Variants in FAS observed in about 807,000 individuals in gnomAD.
FAS encodes the protein Fas cell surface death receptor, also known as tumor necrosis factor receptor superfamily member 6.
FAS carries 5 observed loss-of-function variants against 33.2 expected under a neutral mutation model. The observed-to-expected ratio is 0.15, with a 90% CI of 0.08 to 0.32. FAS has a LOEUF of 0.32. Among genes scored for constraint, FAS ranks in the 10% least tolerant of loss-of-function variants. The pLI, the probability that FAS is intolerant of heterozygous loss-of-function variation, is 1.00. For missense variants in FAS, 339 were observed against 386.0 expected (o/e 0.88, Z 1.02); for synonymous variants, 131 against 130.7 (o/e 1.00, Z -0.01).
At chr10:88,982,080 T>C (rs566360524), upstream of FAS, among the ~76,000 whole-genome samples, 1 of 152,332 alleles carries the variant, frequency 6.6e-6, no homozygotes, top group South Asian at 2.1e-4. Context: ...AAGAAGGCAG[T>C]ATGTTGTTAT....
intron 1 of FAS, among the ~76,000 whole-genome samples, chr10:88,991,996 C>CGA (rs1044328024): frequency 6.6e-6 from 1 of 152,140 alleles, no homozygotes; most frequent in Admixed American, 6.5e-5. Context: ...CGGATTCTCA[C>CGA]GAGAGCCATG....
At chr10:89,011,464 G>A (rs1431336608) in intron 6 of FAS, among the ~76,000 whole-genome samples, 1 of 152,198 alleles carries the variant, frequency 6.6e-6, no homozygotes, top group Non-Finnish European at 1.5e-5. Context: ...AGTTGAAGAA[G>A]AAAGTTTGCC....
At chr10:88,985,605 C>G (rs1846856905), upstream of FAS, among the ~76,000 whole-genome samples, 1 of 152,198 alleles carries the variant, frequency 6.6e-6, no homozygotes, top group South Asian at 2.1e-4. Context: ...GTCCCCTCAG[C>G]CTTTTCTAAC....
chr10:88,988,861 G>C (rs1564667343), upstream of FAS, among the ~76,000 whole-genome samples: 1 of 152,094 alleles, frequency 6.6e-6, no homozygotes, highest in Non-Finnish European at 1.5e-5. Context: ...GATTCAGAAA[G>C]TTTTCAAATT....
At position 89,007,019 on chromosome 10, in the gene FAS, T is replaced by A. The variant is rs920768777; in HGVS notation, c.197-681T>A. Among the ~76,000 whole-genome samples the A allele has an allele frequency of 5.9e-5, 9 of 152,214 alleles. No homozygotes were observed. The South Asian group carries it at 1.9e-3, about 32-fold the overall frequency. ...AACTCATCAGTACATATCCTGTCTTTTGATGAAAAAGTAATAGAAAGGGGA... is the reference window on the plus strand; with the variant it reads ...AACTCATCAGTACATATCCTGTCTTATGATGAAAAAGTAATAGAAAGGGGA... On this transcript the variant is annotated intron_variant, in intron 2 of 8. Coordinates refer to ENST00000652046, the MANE Select transcript of FAS (RefSeq NM_000043.6).
chr10:89,006,628 T>A (rs1848243056), intron 2 of FAS, among the ~76,000 whole-genome samples: 1 of 152,226 alleles, frequency 6.6e-6, no homozygotes, highest in Admixed American at 6.5e-5. Flanking sequence ...CTCTATTCCC[T>A]TACCTTCATC....
chr10:88,994,810 TTTA>T (rs755606160), intron 1 of FAS, among the ~76,000 whole-genome samples: 82 of 151,376 alleles, frequency 5.4e-4, no homozygotes, highest in Non-Finnish European at 1.1e-3. Flanking sequence ...TACTATAATT[TTTA>T]TTATTTATTT....
At chr10:88,999,801 A>G (rs1847826120) in intron 1 of FAS, among the ~76,000 whole-genome samples, 1 of 152,238 alleles carries the variant, frequency 6.6e-6, no homozygotes, top group African/African-American at 2.4e-5. Flanking sequence ...GGCAACCAGC[A>G]ACTCCTGTTG....
chr10:88,975,122 G>T (rs967309971), intron 2 of FAS: 1 of 150,680 alleles, frequency 6.6e-6, no homozygotes, highest in African/African-American at 2.4e-5. Flanking sequence ...ACCCACTGAA[G>T]TGAAAGTGAA....
chr10:88,977,888 C>CCCAG (rs1332064387), intron 2 of FAS, among the ~76,000 whole-genome samples: 4 of 82,514 alleles, frequency 4.8e-5, no homozygotes, highest in African/African-American at 1.4e-4. Flanking sequence ...ACCCAGCCAT[C>CCCAG]CCATTACTGG....
At chr10:88,996,913 T>A (rs1430028305) in intron 1 of FAS, among the ~76,000 whole-genome samples, 1 of 152,226 alleles carries the variant, frequency 6.6e-6, no homozygotes, top group East Asian at 1.9e-4. Flanking sequence ...GTGGCCCCTC[T>A]GGGCTTGTAA....
upstream of FAS, among the ~76,000 whole-genome samples, chr10:88,983,724 ATGTC>A (rs1846785022): frequency 6.6e-6 from 1 of 151,224 alleles, no homozygotes; most frequent in Non-Finnish European, 1.5e-5. Context: ...TTATTTTTAA[ATGTC>A]TGTCCCTTTA....
chr10:88,970,776 A>G (rs1055311637), intron 1 of FAS, among the ~76,000 whole-genome samples: 1 of 152,144 alleles, frequency 6.6e-6, no homozygotes, highest in Non-Finnish European at 1.5e-5. Flanking sequence ...GTAAATGACA[A>G]GTTAATGGGT....
At chr10:89,011,296 T>C (rs1208825877) in intron 6 of FAS, among the ~76,000 whole-genome samples, 1 of 152,230 alleles carries the variant, frequency 6.6e-6, no homozygotes, top group Non-Finnish European at 1.5e-5. Context: ...CAAAGGTGAC[T>C]TAGTAGAGTC....
exon 2 of FAS, chr10:88,973,243 T>C (rs777863087): frequency 2.5e-6 from 4 of 1,612,548 alleles, no homozygotes; most frequent in African/African-American, 2.7e-5. Flanking sequence ...CCCCTGAAAA[T>C]TGGCTATGGA....
At chr10:88,976,544 T>C (rs1004332345) in intron 2 of FAS, among the ~76,000 whole-genome samples, 1 of 152,162 alleles carries the variant, frequency 6.6e-6, no homozygotes, top group Non-Finnish European at 1.5e-5. Flanking sequence ...CCCTAAAATT[T>C]TGTAGTTCTA....
intron 6 of FAS, 80 bp downstream of exon 6, chr10:89,010,895 TA>T (rs1246948286): frequency 1.3e-6 from 2 of 1,508,980 alleles, no homozygotes; most frequent in East Asian, 2.3e-5. Context: ...TTCTTACCTA[TA>T]AAAAGCTACC....
upstream of FAS, among the ~76,000 whole-genome samples, chr10:88,987,960 A>C (rs77798678): frequency 6.6e-6 from 1 of 152,152 alleles, no homozygotes; most frequent in Non-Finnish European, 1.5e-5. Flanking sequence ...AAAAAAAAAA[A>C]GACTGACTTC....
At chr10:89,000,674 A>G (rs1847869458) in intron 1 of FAS, among the ~76,000 whole-genome samples, 1 of 152,052 alleles carries the variant, frequency 6.6e-6, no homozygotes, top group African/African-American at 2.4e-5. Context: ...CCCCCTCATC[A>G]ATAGGGCATT....
Sources: gnomAD v4.1 joint callset for allele counts (sites outside exome capture counted in the v4.1 genomes callset) on GRCh38, gnomAD v4.1.1 for gene constraint, MANE v1.5 for transcripts, NCBI Gene and HGNC (gene_info 2026-07-23, HGNC 2026-07-21) for gene names.